The following LPCAT2 variants were observed in gnomAD, a reference collection of about 807,000 sequenced individuals.
LPCAT2 encodes lysophosphatidylcholine acyltransferase 2.
Under a neutral mutation model 64.7 loss-of-function variants are expected in LPCAT2, and 58 were observed. The ratio of observed to expected loss-of-function variants is 0.90; its 90% CI spans 0.73 to 1.12. The LOEUF (loss-of-function observed/expected upper bound fraction) is 1.12. LPCAT2 is among the 50% of genes most tolerant of loss of function. LPCAT2 has a pLI of 0.00. For missense variants in LPCAT2, 579 were observed against 669.8 expected, an observed-to-expected ratio of 0.86 and a Z score of 1.50; for synonymous variants, 252 against 245.3, an observed-to-expected ratio of 1.03 and a Z score of -0.26.
intron 11 of LPCAT2, among the ~76,000 whole-genome samples, chr16:55,557,653 TC>T (rs1963592350): frequency 6.6e-6 from 1 of 152,204 alleles, no homozygotes; most frequent in Non-Finnish European, 1.5e-5. Context: ...CATGTTCCCT[TC>T]CCACTTTATC....
intron 8 of LPCAT2, among the ~76,000 whole-genome samples, chr16:55,543,327 C>G (rs574235491): frequency 6.6e-6 from 1 of 152,188 alleles, no homozygotes; most frequent in African/African-American, 2.4e-5. Flanking sequence ...AATATAAAAC[C>G]AAACCTGTAT....
At chr16:55,549,144 G>T in intron 9 of LPCAT2, 133 bp from the exon 10 acceptor site, 2 of 615,234 alleles carry the variant, frequency 3.3e-6, no homozygotes, top group South Asian at 4.7e-5. Context: ...CAAGAAAAGC[G>T]AGAGTTACTG....
rs756701131 is a variant in LPCAT2, at chr16:55,531,967, T to C, written c.696T>C (p.Phe232=). 6.3e-7 allele frequency: 1 copy of C among 1,579,098 alleles called. No individual in the cohort carries two copies. ...TCTNRSCLIT[F]KPGAFIPGVP... is the part of the protein sequence containing the mutation. ...CTAATCGTTCCTGTTTGATTACTTTTAAACCAGGTGAGAAAAATTAAATTA... is the reference window on the plus strand; with the variant it reads ...CTAATCGTTCCTGTTTGATTACTTTCAAACCAGGTGAGAAAAATTAAATTA... The change falls in exon 5 of 14, where the codon TTT becomes TTC. Residue 232 remains phenylalanine (F), a synonymous_variant. Transcript: ENST00000262134.
chr16:55,531,898 T>A lies in LPCAT2; in HGVS notation c.643-16T>A, dbSNP rs1200560022. 2 of 1,492,088 alleles carry A rather than the reference T, an allele frequency of 1.3e-6. No homozygotes were observed. Among genetic ancestry groups the A allele is most frequent in the Non-Finnish European group, 1.9e-6 (2 of 1,070,724 alleles). 92.4% of individuals were successfully genotyped at this position (1,492,088 alleles called of 1,614,324 possible). On this transcript the variant is annotated splice_polypyrimidine_tract_variant and intron_variant, in intron 4 of 13. Coordinates refer to ENST00000262134, the MANE Select transcript of LPCAT2 (RefSeq NM_017839.5). ...TAATTAGATTGAAATATTAAATCTA[T>A]TCCTTTTTTCCCAAGATACTAGTTT... is the stretch of plus-strand genomic sequence containing the variant.
At chr16:55,524,339 A>T (rs1463697361) in intron 1 of LPCAT2, among the ~76,000 whole-genome samples, 1 of 151,994 alleles carries the variant, frequency 6.6e-6, no homozygotes, top group Non-Finnish European at 1.5e-5. Flanking sequence ...CATTTATATG[A>T]CATTTAAGAA....
At chr16:55,560,126 A>T (rs1278102180) in intron 11 of LPCAT2, among the ~76,000 whole-genome samples, 2 of 152,178 alleles carry the variant, frequency 1.3e-5, no homozygotes, top group African/African-American at 4.8e-5. Flanking sequence ...GGAAGTAAAG[A>T]ACAAGGCTTT....
chr16:55,578,417 C>T (rs1388175604), intron 12 of LPCAT2, among the ~76,000 whole-genome samples: 1 of 152,172 alleles, frequency 6.6e-6, no homozygotes, highest in African/African-American at 2.4e-5. Flanking sequence ...ACCCAGTTGC[C>T]TAAACTAGAA....
chr16:55,522,197 T>G (rs1963106981), intron 1 of LPCAT2, among the ~76,000 whole-genome samples: 1 of 151,684 alleles, frequency 6.6e-6, no homozygotes, highest in Non-Finnish European at 1.5e-5. Context: ...ATTTATATAC[T>G]ATAGGAGCAA....
chr16:55,534,348 G>GA, intron 6 of LPCAT2, 95 bp from the exon 7 acceptor site: 4 of 773,932 alleles, frequency 5.2e-6, no homozygotes, highest in Non-Finnish European at 8.9e-6. Context: ...TTTAATTTCA[G>GA]AAAAAATACA....
intron 11 of LPCAT2, among the ~76,000 whole-genome samples, chr16:55,574,047 G>A (rs1028636331): frequency 6.6e-5 from 10 of 152,182 alleles, no homozygotes; most frequent in African/African-American, 2.4e-4. Flanking sequence ...CATTGGCTTA[G>A]AAGTGTAAGA....
intron 11 of LPCAT2, among the ~76,000 whole-genome samples, chr16:55,566,095 T>C (rs1433399624): frequency 6.6e-6 from 1 of 152,190 alleles, no homozygotes; most frequent in Non-Finnish European, 1.5e-5. Context: ...GTGATTTATA[T>C]GATACATTTT....
intron 1 of LPCAT2, among the ~76,000 whole-genome samples, chr16:55,515,383 C>G (rs1962996768): frequency 6.6e-6 from 1 of 151,944 alleles, no homozygotes; most frequent in South Asian, 2.1e-4. Context: ...AATTGTATAG[C>G]TAGAAAACTA....
chr16:55,527,707 T>A (rs1170703914), intron 2 of LPCAT2, among the ~76,000 whole-genome samples: 1 of 152,160 alleles, frequency 6.6e-6, no homozygotes, highest in East Asian at 1.9e-4. Context: ...TGGCAGAATC[T>A]TTTTTAAAGG....
intron 1 of LPCAT2, among the ~76,000 whole-genome samples, chr16:55,510,525 T>C (rs1962917339): frequency 6.6e-6 from 1 of 152,092 alleles, no homozygotes; most frequent in East Asian, 1.9e-4. Flanking sequence ...AGCAGTATAA[T>C]ATTTGCAATC....
intron 9 of LPCAT2, among the ~76,000 whole-genome samples, chr16:55,546,736 T>C (rs1329456764): frequency 6.6e-6 from 1 of 152,234 alleles, no homozygotes; most frequent in African/African-American, 2.4e-5. Flanking sequence ...TAGATGTGCT[T>C]GTTTTATCTA....
Position 55,529,799 on chromosome 16 carries a change from A to C in LPCAT2, c.530-36A>C, listed in dbSNP as rs149637719. ...TATTGCTGTGGTTGCTTTAGCCAAA[A>C]AATGGCTTGCCTGTAACTTTTCATT... On this transcript the variant is annotated intron_variant, in intron 3 of 13. Coordinates refer to ENST00000262134, the MANE Select transcript of LPCAT2 (RefSeq NM_017839.5). The C allele has an allele frequency of 1.1e-5, 16 of 1,403,600 alleles. No individual in the cohort carries two copies. The African/African-American group carries it at 1.1e-4, about 10-fold the overall frequency. The allele number at this position is 1,403,600 out of a possible 1,614,324, so 86.9% of individuals were successfully genotyped here. A position where few individuals can be genotyped will look rare whatever the true frequency, so the allele number is the denominator to read the frequency against.
chr16:55,570,548 C>A (rs149366385), intron 11 of LPCAT2, among the ~76,000 whole-genome samples: 1 of 152,060 alleles, frequency 6.6e-6, no homozygotes, highest in African/African-American at 2.4e-5. Flanking sequence ...GGCGGAGGAT[C>A]GCTTGAGCCC....
intron 1 of LPCAT2, among the ~76,000 whole-genome samples, chr16:55,519,336 TAAA>T (rs35728673): frequency 1.4e-5 from 2 of 138,752 alleles, no homozygotes; most frequent in African/African-American, 5.3e-5. Flanking sequence ...CCGTCTCTAC[TAAA>T]AAAAAAAAAA....
intron 6 of LPCAT2, among the ~76,000 whole-genome samples, chr16:55,533,605 G>A (rs1350247653): frequency 6.6e-6 from 1 of 151,778 alleles, no homozygotes; most frequent in East Asian, 1.9e-4. Context: ...TAGAGACAGG[G>A]TTTCACCATG....
Sources: gnomAD v4.1 joint callset for allele counts (sites outside exome capture counted in the v4.1 genomes callset) on GRCh38, gnomAD v4.1.1 for gene constraint, MANE v1.5 for transcripts, NCBI Gene and HGNC (gene_info 2026-07-23, HGNC 2026-07-21) for gene names.